Variants in NRXN1 observed in about 807,000 individuals in gnomAD.
NRXN1 encodes neurexin-1.
NRXN1 carries 39 observed loss-of-function variants against 150.9 expected under a neutral mutation model. The observed-to-expected ratio is 0.26, with a 90% CI of 0.20 to 0.34. The LOEUF (loss-of-function observed/expected upper bound fraction) is 0.34, where lower values mean the gene tolerates loss of function less well. Ranked by LOEUF, NRXN1 falls within the 10% of genes least tolerant of loss-of-function variation. The pLI is 1.00. For missense variants in NRXN1, 1,815 were observed against 1,949.9 expected, an observed-to-expected ratio of 0.93 and a Z score of 1.30; for synonymous variants, 924 against 757.0, an observed-to-expected ratio of 1.22 and a Z score of -3.62.
In NRXN1 at chr2:50,053,267, T is replaced by C. The variant is rs375738111; in HGVS notation, c.4128+4A>G. On this transcript the variant is annotated splice_donor_region_variant and intron_variant, in intron 21 of 22. Transcript: ENST00000401669. ...AAATGAAGGAATAAAATCCACAGGC[T>C]CACCTGGCTAATGGGTTCTTTTGTC... 2.5e-6 allele frequency: 4 copies of C among 1,613,772 alleles called. No individual in the cohort carries two copies. In the African/African-American group the frequency reaches 5.3e-5, roughly 22 times the overall value.
chr2:50,875,910 A>C (rs1344910127), intron 5 of NRXN1, among the ~76,000 whole-genome samples: 1 of 151,890 alleles, frequency 6.6e-6, no homozygotes, highest in Non-Finnish European at 1.5e-5. Context: ...TACAGAATGC[A>C]GCAATAGATA....
intron 18 of NRXN1, among the ~76,000 whole-genome samples, chr2:50,200,281 T>G (rs1416258137): frequency 6.6e-6 from 1 of 152,178 alleles, no homozygotes. Flanking sequence ...TTAGCTGTAA[T>G]AACTACCTGC....
chr2:50,546,972 TA>T (rs971147294), intron 9 of NRXN1, among the ~76,000 whole-genome samples: 5 of 152,320 alleles, frequency 3.3e-5, no homozygotes, highest in African/African-American at 1.2e-4. Context: ...TAGAAATGTT[TA>T]AGTGTGGTGA....
At chr2:51,019,337 A>G (rs1669236575) in intron 2 of NRXN1, among the ~76,000 whole-genome samples, 1 of 152,128 alleles carries the variant, frequency 6.6e-6, no homozygotes. Context: ...ACTATATAAG[A>G]TAAGGTAGAC....
chr2:50,228,016 A>C (rs975647553), intron 18 of NRXN1, among the ~76,000 whole-genome samples: 1 of 152,056 alleles, frequency 6.6e-6, no homozygotes, highest in African/African-American at 2.4e-5. Flanking sequence ...CTTCTGATGG[A>C]AAATTTAGAT....
At chr2:50,914,680 A>G (rs1684970962) in intron 5 of NRXN1, among the ~76,000 whole-genome samples, 1 of 151,756 alleles carries the variant, frequency 6.6e-6, no homozygotes, top group Non-Finnish European at 1.5e-5. Context: ...ACAATACGAT[A>G]CAAAAACTTT....
chr2:51,017,670 T>A (rs767506201), intron 2 of NRXN1, among the ~76,000 whole-genome samples: 4 of 151,942 alleles, frequency 2.6e-5, no homozygotes, highest in Non-Finnish European at 4.4e-5. Flanking sequence ...AAATAGACAT[T>A]CATAAATGTA....
chr2:50,871,454 T>G (rs1677768276), intron 5 of NRXN1, among the ~76,000 whole-genome samples: 1 of 151,862 alleles, frequency 6.6e-6, no homozygotes, highest in Non-Finnish European at 1.5e-5. Flanking sequence ...CGTAGAAAGT[T>G]CTAAAATATT....
intron 21 of NRXN1, among the ~76,000 whole-genome samples, chr2:50,028,321 C>T (rs1175784932): frequency 6.6e-6 from 1 of 152,162 alleles, no homozygotes. Flanking sequence ...ACCCACTCTT[C>T]CTAGGTATCT....
intron 5 of NRXN1, among the ~76,000 whole-genome samples, chr2:50,691,989 T>C (rs1692152954): frequency 6.6e-6 from 1 of 152,212 alleles, no homozygotes. Context: ...CTTTAGTTTA[T>C]ATCCTGCACT....
In NRXN1 at chr2:50,445,986, A is replaced by T. The variant is rs1273038030; in HGVS notation, c.3364+19456T>A. ...TAAATAGACATTAAAAAATTCATAA[A>T]CTGCAAGGCCTGGTTTAAGTTATCC... On this transcript the variant is annotated intron_variant, in intron 17 of 22. Transcript: ENST00000401669. Among the ~76,000 whole-genome samples, 4 of 152,134 alleles carry T rather than the reference A, an allele frequency of 2.6e-5. No individual in the cohort carries two copies. In the East Asian group the frequency reaches 7.7e-4, roughly 29 times the overall value.
At chr2:50,934,866 A>T (rs1688286533) in intron 2 of NRXN1, among the ~76,000 whole-genome samples, 1 of 152,192 alleles carries the variant, frequency 6.6e-6, no homozygotes, top group Admixed American at 6.6e-5. Context: ...GTATTCATTT[A>T]AAAATGTGTT....
rs1454666120 is a variant in NRXN1, at chr2:50,404,175, T to TGTTG, written c.3364+61266_3364+61267insCAAC. Among the ~76,000 whole-genome samples, 182 of 151,602 alleles carry TGTTG rather than the reference T, an allele frequency of 1.2e-3. 2 individuals are homozygous for TGTTG. The highest frequency in any genetic ancestry group is 4.1e-3 in the African/African-American group (169 of 41,286). The stretch of plus-strand genomic sequence containing the variant: ...TTTAGTTTTTTTTTGTTTGTTTTGT[T>TGTTG]TTGTTGTTGTTGTTGTTGTTGTTGT... On this transcript the variant is annotated intron_variant, in intron 17 of 22. Coordinates refer to ENST00000401669, the MANE Select transcript of NRXN1 (RefSeq NM_001330078.2).
chr2:50,930,310 A>G (rs114744350), intron 2 of NRXN1, among the ~76,000 whole-genome samples: 7,224 of 152,186 alleles, frequency 0.047, 226 homozygotes, highest in Admixed American at 0.076. Context: ...CCCCCAAAAT[A>G]TTTTGTTACA....
At chr2:50,884,830 A>C (rs1365754523) in intron 5 of NRXN1, among the ~76,000 whole-genome samples, 2 of 151,552 alleles carry the variant, frequency 1.3e-5, no homozygotes, top group Non-Finnish European at 3.0e-5. Flanking sequence ...TTTTAAAAAA[A>C]AAATAAAATA....
intron 5 of NRXN1, among the ~76,000 whole-genome samples, chr2:50,905,330 T>A (rs974109124): frequency 9.2e-5 from 14 of 152,266 alleles, no homozygotes; most frequent in African/African-American, 3.1e-4. Flanking sequence ...AATCCAGGGT[T>A]ATAAATGCAG....
intron 5 of NRXN1, among the ~76,000 whole-genome samples, chr2:50,635,465 G>A (rs2012760): frequency 0.31 from 46,351 of 151,622 alleles, 7,524 homozygotes; most frequent in East Asian, 0.52. Flanking sequence ...GAGCCACTGC[G>A]CCGAGCCAGA....
intron 5 of NRXN1, chr2:50,919,435 T>G (rs1370810256): frequency 1.3e-5 from 2 of 151,800 alleles, no homozygotes; most frequent in South Asian, 2.1e-4. Context: ...AGAAAATATT[T>G]AAGAATTCAT....
intron 5 of NRXN1, among the ~76,000 whole-genome samples, chr2:50,654,137 G>A (rs1351156293): frequency 8.2e-5 from 12 of 146,426 alleles, no homozygotes; most frequent in South Asian, 4.4e-4. Flanking sequence ...CCATTAACTC[G>A]TCATTTAACA....
Sources: gnomAD v4.1 joint callset for allele counts (sites outside exome capture counted in the v4.1 genomes callset) on GRCh38, gnomAD v4.1.1 for gene constraint, MANE v1.5 for transcripts, NCBI Gene and HGNC (gene_info 2026-07-23, HGNC 2026-07-21) for gene names.